PALM: variants seen among roughly 807,000 people sequenced by gnomAD.
PALM encodes the protein paralemmin-1.
PALM carries 18 observed loss-of-function variants against 30.7 expected under a neutral mutation model. The ratio of observed to expected loss-of-function variants is 0.59; its 90% CI spans 0.41 to 0.87. PALM has a LOEUF of 0.87. Among genes scored for constraint, PALM ranks in the 40% least tolerant of loss-of-function variants. The pLI, the probability that PALM is intolerant of heterozygous loss-of-function variation, is 0.00. For missense variants in PALM, 529 were observed against 555.4 expected (o/e 0.95, Z 0.48); for synonymous variants, 286 against 242.8 (o/e 1.18, Z -1.66).
chr19:737,254 C>T (rs902863744), intron 7 of PALM, among the ~76,000 whole-genome samples: 4 of 152,280 alleles, frequency 2.6e-5, no homozygotes, highest in Non-Finnish European at 5.9e-5. Flanking sequence ...TGAGACCAGC[C>T]CTGGCAGACA....
At position 727,092 on chromosome 19, in the gene PALM, C is replaced by T. The variant is rs761610939; in HGVS notation, c.138+4C>T. Reference sequence around the variant, plus strand: ...GAGGCAGCTGCAGCACCTGAAGGTACGAGCGGGGCAGGGACCCAGGGTCAG... The same window carrying T: ...GAGGCAGCTGCAGCACCTGAAGGTATGAGCGGGGCAGGGACCCAGGGTCAG... On this transcript the variant is annotated splice_donor_region_variant and intron_variant, in intron 3 of 8. Transcript: ENST00000338448. 4.0e-5 allele frequency: 62 copies of T among 1,531,260 alleles called. No homozygotes were observed. The highest frequency in any genetic ancestry group is 7.5e-5 in the East Asian group (3 of 40,130). The allele number at this position is 1,531,260 out of a possible 1,614,324, so 94.9% of individuals were successfully genotyped here.
At chr19:721,350 C>T (rs2032474635) in intron 1 of PALM, among the ~76,000 whole-genome samples, 1 of 152,122 alleles carries the variant, frequency 6.6e-6, no homozygotes, top group Non-Finnish European at 1.5e-5. Context: ...ACTGCAACCT[C>T]CACCTCCCGG....
chr19:730,063 C>T (rs569853896), intron 4 of PALM, among the ~76,000 whole-genome samples: 67 of 152,360 alleles, frequency 4.4e-4, no homozygotes, highest in African/African-American at 1.5e-3. Context: ...CAGCCTGCTT[C>T]TCAGGTGCTG....
intron 1 of PALM, among the ~76,000 whole-genome samples, chr19:721,843 C>T (rs915494920): frequency 5.9e-5 from 9 of 151,484 alleles, no homozygotes; most frequent in Admixed American, 1.3e-4. Flanking sequence ...GGTGATCCAC[C>T]CGCCTTGGCC....
intron 1 of PALM, among the ~76,000 whole-genome samples, chr19:715,161 G>A (rs905877936): frequency 5.9e-5 from 9 of 152,114 alleles, no homozygotes; most frequent in Admixed American, 1.3e-4. Flanking sequence ...CCAGCTACTC[G>A]GGAGGCTGAG....
At chr19:731,505 CAGGGAAG>C (rs1422556976) in intron 5 of PALM, among the ~76,000 whole-genome samples, 2 of 139,142 alleles carry the variant, frequency 1.4e-5, no homozygotes, top group Non-Finnish European at 3.2e-5. Context: ...CAGAAGGACT[CAGGGAAG>C]CAGGAGACCC....
intron 1 of PALM, among the ~76,000 whole-genome samples, chr19:720,213 G>C (rs1025839288): frequency 1.3e-4 from 20 of 151,900 alleles, no homozygotes; most frequent in South Asian, 4.1e-4. Flanking sequence ...CCCCACCCCC[G>C]CGCGCCGGGC....
intron 2 of PALM, 21 bp from the exon 3 acceptor site, chr19:726,985 ACC>A: frequency 2.1e-6 from 2 of 945,360 alleles, no homozygotes; most frequent in Non-Finnish European, 3.2e-6. Flanking sequence ...CCCATCCCTG[ACC>A]CCACCCGGCC....
intron 1 of PALM, among the ~76,000 whole-genome samples, chr19:720,452 C>T (rs2032434023): frequency 7.7e-6 from 1 of 130,378 alleles, no homozygotes; most frequent in Non-Finnish European, 1.6e-5. Context: ...GCAAGGGGGG[C>T]GCATCCTGCG....
intron 1 of PALM, among the ~76,000 whole-genome samples, chr19:714,294 C>T (rs1363442958): frequency 2.0e-5 from 3 of 151,662 alleles, no homozygotes; most frequent in Non-Finnish European, 2.9e-5. Flanking sequence ...CCCACCTCGG[C>T]TTCCCAAAGT....
intron 1 of PALM, among the ~76,000 whole-genome samples, chr19:715,375 A>G (rs1426649624): frequency 1.3e-5 from 2 of 152,320 alleles, no homozygotes; most frequent in African/African-American, 2.4e-5. Context: ...GAACAAATAA[A>G]TGCTCCCTCC....
At chr19:712,683 T>G (rs2144841340) in intron 1 of PALM, among the ~76,000 whole-genome samples, 1 of 150,356 alleles carries the variant, frequency 6.7e-6, no homozygotes, top group East Asian at 2.0e-4. Flanking sequence ...ATGCCTGGTT[T>G]TTTTTTATTG....
At chr19:744,201 C>G (rs917833319) in intron 8 of PALM, among the ~76,000 whole-genome samples, 1 of 151,566 alleles carries the variant, frequency 6.6e-6, no homozygotes, top group African/African-American at 2.4e-5. Context: ...GAGATCGAGA[C>G]CAGCCTGGCT....
rs759385693 is a variant in PALM at position 726,165 on chromosome 19, G to A, written c.33G>A (p.Gln11=). Reference sequence around the variant, plus strand: ...TCCTGGCGGCAGAGACCACGTCCCAGCAGGAGCGGCTGCAGGCCATCGCAG... The same window carrying A: ...TCCTGGCGGCAGAGACCACGTCCCAACAGGAGCGGCTGCAGGCCATCGCAG... MEVLAAETTS[Q]QERLQAIAEK... is the part of the protein sequence containing the mutation. Residue 11 remains glutamine, a synonymous_variant, in exon 2 of 9, where the codon CAG becomes CAA. Transcript: ENST00000338448. 1.2e-6 allele frequency: 2 copies of A among 1,613,326 alleles called. No individual in the cohort carries two copies. The highest frequency in any genetic ancestry group is 2.2e-5 in the East Asian group (1 of 44,874).
chr19:745,870 C>A (rs1489958270), intron 8 of PALM, among the ~76,000 whole-genome samples: 1 of 151,876 alleles, frequency 6.6e-6, no homozygotes, highest in Non-Finnish European at 1.5e-5. Flanking sequence ...ACCAGCCTGG[C>A]CAACATGGAG....
chr19:738,455 G>A (rs1196989009), intron 7 of PALM, among the ~76,000 whole-genome samples: 1 of 152,044 alleles, frequency 6.6e-6, no homozygotes, highest in African/African-American at 2.4e-5. Context: ...GAACCTGGGA[G>A]GCAGAGATTG....
chr19:726,187 G>T lies in PALM; in HGVS notation c.55G>T (p.Ala19Ser). 1 of 1,612,908 alleles carries T rather than the reference G, an allele frequency of 6.2e-7. No individual in the cohort carries two copies. The highest frequency in any genetic ancestry group is 8.5e-7 in the Non-Finnish European group (1 of 1,179,634). The change falls in exon 2 of 9, where the codon GCA becomes TCA. Residue 19 changes from alanine (A) to serine (S), a missense_variant and splice_region_variant. Coordinates refer to ENST00000338448, the MANE Select transcript of PALM (RefSeq NM_002579.3). Reference protein sequence around the residue: ...TSQQERLQAIAEKRKRQAEIE... With the variant: ...TSQQERLQAISEKRKRQAEIE... Reference sequence around the variant, plus strand: ...CCAGCAGGAGCGGCTGCAGGCCATCGCAGTGAGTTTCCGCCGCCCCGCAGA... The same window carrying T: ...CCAGCAGGAGCGGCTGCAGGCCATCTCAGTGAGTTTCCGCCGCCCCGCAGA...
chr19:721,341 C>A (rs907460090), intron 1 of PALM, among the ~76,000 whole-genome samples: 2 of 152,126 alleles, frequency 1.3e-5, no homozygotes, highest in African/African-American at 4.8e-5. Flanking sequence ...TCTCGGCTCA[C>A]TGCAACCTCC....
chr19:723,959 G>C (rs1280100313), intron 1 of PALM, among the ~76,000 whole-genome samples: 12 of 152,070 alleles, frequency 7.9e-5, no homozygotes, highest in African/African-American at 2.9e-4. Flanking sequence ...AGACCAGGGA[G>C]GGGAGGGGAG....
Sources: gnomAD v4.1 joint callset for allele counts (sites outside exome capture counted in the v4.1 genomes callset) on GRCh38, gnomAD v4.1.1 for gene constraint, MANE v1.5 for transcripts, NCBI Gene and HGNC (gene_info 2026-07-23, HGNC 2026-07-21) for gene names.